KSR2: variants seen among roughly 807,000 people sequenced by gnomAD.
KSR2 encodes kinase suppressor of ras 2.
KSR2 carries 25 observed loss-of-function variants against 107.8 expected under a neutral mutation model. The ratio of observed to expected loss-of-function variants is 0.23; its 90% CI spans 0.17 to 0.32. KSR2 has a LOEUF of 0.32. Ranked by LOEUF, KSR2 falls within the 10% of genes least tolerant of loss-of-function variation. The pLI is 1.00. For synonymous variants in KSR2, 480 were observed against 507.0 expected, an observed-to-expected ratio of 0.95 and a Z score of 0.71; for missense variants, 887 against 1,268.9, an observed-to-expected ratio of 0.70 and a Z score of 4.57.
chr12:117,644,447 G>T (rs1448935265), intron 5 of KSR2, among the ~76,000 whole-genome samples: 1 of 152,162 alleles, frequency 6.6e-6, no homozygotes, highest in African/African-American at 2.4e-5. Flanking sequence ...CAGGATCAGT[G>T]GTTCTTGATC....
chr12:117,727,925 C>G (rs1291782237), intron 4 of KSR2, among the ~76,000 whole-genome samples: 9 of 152,126 alleles, frequency 5.9e-5, no homozygotes, highest in Non-Finnish European at 1.3e-4. Flanking sequence ...GGATGTATCT[C>G]AAAAACAACA....
chr12:117,726,325 A>C (rs1887424697), intron 4 of KSR2, among the ~76,000 whole-genome samples: 1 of 152,230 alleles, frequency 6.6e-6, no homozygotes, highest in Non-Finnish European at 1.5e-5. Flanking sequence ...ATATTTAGTC[A>C]TTAAAGAAGC....
rs970512028 is a variant in KSR2 at position 117,454,503 on chromosome 12, C to T, written c.*12696G>A. On this transcript the variant is annotated 3_prime_UTR_variant, in exon 20 of 20. Coordinates refer to ENST00000339824, the MANE Select transcript of KSR2 (RefSeq NM_173598.6). The stretch of plus-strand genomic sequence containing the variant: ...TTATAGAGACAGCAAACACACCACT[C>T]CATCAACAGGACTGATACATTCTTT... The T allele has an allele frequency of 3.3e-5, 5 of 152,246 alleles. No individual in the cohort carries two copies. Among genetic ancestry groups the T allele is most frequent in the Admixed American group, 6.5e-5 (1 of 15,288 alleles). 9.4% of individuals were successfully genotyped at this position (152,246 alleles called of 1,614,324 possible).
At chr12:117,534,328 G>A (rs2137266012) in intron 10 of KSR2, among the ~76,000 whole-genome samples, 1 of 152,242 alleles carries the variant, frequency 6.6e-6, no homozygotes, top group Non-Finnish European at 1.5e-5. Flanking sequence ...CTCTCTGGAG[G>A]CCACTTTCCC....
chr12:117,913,322 A>G (rs1036150706), intron 1 of KSR2, among the ~76,000 whole-genome samples: 16 of 152,144 alleles, frequency 1.1e-4, no homozygotes, highest in Admixed American at 4.6e-4. Flanking sequence ...GCCAAGCCCT[A>G]TGGAACTGTA....
intron 3 of KSR2, among the ~76,000 whole-genome samples, chr12:117,818,027 G>T (rs1191049325): frequency 6.6e-6 from 1 of 152,040 alleles, no homozygotes; most frequent in African/African-American, 2.4e-5. Flanking sequence ...CTTGAACCCA[G>T]GAGACAGAGG....
intron 1 of KSR2, among the ~76,000 whole-genome samples, chr12:117,882,263 G>A (rs1894049778): frequency 1.3e-5 from 2 of 152,290 alleles, no homozygotes; most frequent in East Asian, 3.9e-4. Context: ...AAGACAATCT[G>A]AGAAAGCTCT....
intron 14 of KSR2, among the ~76,000 whole-genome samples, chr12:117,495,026 A>C (rs539279210): frequency 8.5e-5 from 13 of 152,314 alleles, no homozygotes; most frequent in Non-Finnish European, 1.8e-4. Context: ...TGCCTTCCAA[A>C]TAAAAGACAT....
At chr12:117,627,535 C>T (rs1882587430) in intron 5 of KSR2, among the ~76,000 whole-genome samples, 1 of 152,224 alleles carries the variant, frequency 6.6e-6, no homozygotes, top group African/African-American at 2.4e-5. Context: ...GGCCCCCACT[C>T]TCTTCTGGCT....
chr12:117,958,714 G>A lies in KSR2; in HGVS notation c.180+9362C>T, dbSNP rs1015494045. On this transcript the variant is annotated intron_variant, in intron 1 of 19. Transcript: ENST00000339824. ...AATGCGCCTGTAATCCCAGCTACTC[G>A]GGAGGCTGAGGCGCAAGAATTGCTT... Among the ~76,000 whole-genome samples the A allele has an allele frequency of 8.5e-5, 13 of 152,128 alleles. No individual in the cohort carries two copies. The East Asian group carries it at 1.9e-3, about 23-fold the overall frequency.
chr12:117,810,311 TTTTA>T (rs1257531718), intron 3 of KSR2, among the ~76,000 whole-genome samples: 1 of 152,188 alleles, frequency 6.6e-6, no homozygotes, highest in East Asian at 1.9e-4. Flanking sequence ...CTCAATTTTA[TTTTA>T]TTTATTTATT....
chr12:117,585,094 T>C (rs1300410798), intron 5 of KSR2, among the ~76,000 whole-genome samples: 1 of 152,170 alleles, frequency 6.6e-6, no homozygotes, highest in East Asian at 1.9e-4. Context: ...TACCAGCATC[T>C]GGTGGGGAGA....
chr12:117,474,629 C>G (rs992555635), intron 17 of KSR2, among the ~76,000 whole-genome samples: 5 of 152,128 alleles, frequency 3.3e-5, no homozygotes, highest in East Asian at 1.9e-4. Context: ...AGCCTAGAAG[C>G]CTTTCTGGCT....
chr12:117,771,475 G>A (rs1423604244), intron 3 of KSR2, among the ~76,000 whole-genome samples: 1 of 152,182 alleles, frequency 6.6e-6, no homozygotes, highest in African/African-American at 2.4e-5. Context: ...GACCTCCTGA[G>A]GCTGTGTCAT....
chr12:117,489,940 C>T (rs1306345169), intron 14 of KSR2, among the ~76,000 whole-genome samples: 11 of 152,160 alleles, frequency 7.2e-5, no homozygotes, highest in Admixed American at 5.2e-4. Flanking sequence ...AAAAGCCACT[C>T]GCAGTGTGGG....
At position 117,842,858 on chromosome 12, in the gene KSR2, T is replaced by C. The variant is rs189811129; in HGVS notation, c.472+12570A>G. Among the ~76,000 whole-genome samples, 29 of 152,118 alleles carry C rather than the reference T, an allele frequency of 1.9e-4. No individual in the cohort carries two copies. The highest frequency in any genetic ancestry group is 6.3e-4 in the African/African-American group (26 of 41,508). On this transcript the variant is annotated intron_variant, in intron 3 of 19. Transcript: ENST00000339824. This position sits in a 1 kb window ranked among gnomAD's most constrained non-coding sequence, Gnocchi z 4.2. ...TGGATGAAGCCTTGGACCAGGTTGC[T>C]CGACAGGGGTTCTGCTGCAAGACAA...
At chr12:117,718,315 C>T (rs1241987053) in intron 4 of KSR2, among the ~76,000 whole-genome samples, 1 of 152,182 alleles carries the variant, frequency 6.6e-6, no homozygotes, top group Admixed American at 6.5e-5. Flanking sequence ...TCTGGAACCA[C>T]TTTACTGAAA....
chr12:117,791,876 C>T (rs1382563647), intron 3 of KSR2, among the ~76,000 whole-genome samples: 1 of 152,196 alleles, frequency 6.6e-6, no homozygotes, highest in African/African-American at 2.4e-5. Context: ...ATTTTAGAAC[C>T]AGAAACTTCT....
chr12:117,876,670 T>C (rs1442898268), intron 1 of KSR2, among the ~76,000 whole-genome samples: 4 of 151,474 alleles, frequency 2.6e-5, no homozygotes, highest in African/African-American at 4.8e-5. Context: ...ATTTATACTA[T>C]ATATGTATAC....
Sources: allele counts gnomAD v4.1 joint callset (sites outside exome capture counted in the v4.1 genomes callset), GRCh38; gene constraint gnomAD v4.1.1; non-coding constraint Gnocchi (gnomAD v3.1); transcripts MANE v1.5; gene names NCBI Gene and HGNC (gene_info 2026-07-23, HGNC 2026-07-21).